RGS8: variants seen among roughly 807,000 people sequenced by gnomAD.
RGS8 encodes regulator of G-protein signaling 8.
In RGS8, 8 loss-of-function variants were observed where a neutral mutation model predicts 21.7. That is an observed-to-expected ratio of 0.37 (90% confidence interval 0.22 to 0.66). RGS8 has a LOEUF of 0.66. Among genes scored for constraint, RGS8 ranks in the 30% least tolerant of loss-of-function variants. RGS8 has a pLI of 0.59. For synonymous variants in RGS8, 80 were observed against 83.6 expected, an observed-to-expected ratio of 0.96 and a Z score of 0.24; for missense variants, 157 against 217.9, an observed-to-expected ratio of 0.72 and a Z score of 1.76.
chr1:182,672,019 G>C, upstream of RGS8: 2 of 862,800 alleles, frequency 2.3e-6, no homozygotes, highest in Non-Finnish European at 3.1e-6. Context: ...CCCCTGAGCT[G>C]AGCTCAGCCT....
At chr1:182,696,846 T>C in the RGS8 span, among the ~76,000 whole-genome samples, 1 of 152,194 alleles carries the variant, frequency 6.6e-6, no homozygotes, top group Non-Finnish European at 1.5e-5. Context: ...TGGGCTGGCT[T>C]ATGAACCTGA....
chr1:182,726,974 A>G, the RGS8 span, among the ~76,000 whole-genome samples: 1 of 151,786 alleles, frequency 6.6e-6, no homozygotes, highest in Non-Finnish European at 1.5e-5. Context: ...GGCCATGTAC[A>G]CCCGCCACAG....
intron 3 of RGS8, 54 bp downstream of exon 4, chr1:182,669,570 G>A (rs1664048789): frequency 9.9e-6 from 16 of 1,613,542 alleles, no homozygotes; most frequent in Middle Eastern, 1.7e-4. Flanking sequence ...GTGTGACAAG[G>A]TGGAGAAAAG....
the RGS8 span, among the ~76,000 whole-genome samples, chr1:182,722,100 G>A: frequency 6.6e-6 from 1 of 151,940 alleles, no homozygotes; most frequent in African/African-American, 2.4e-5. Flanking sequence ...AACTTGGGAC[G>A]TATTATATCT....
chr1:182,710,693 C>T, the RGS8 span, among the ~76,000 whole-genome samples: 1 of 152,066 alleles, frequency 6.6e-6, no homozygotes, highest in East Asian at 1.9e-4. Context: ...CTGCTGTTAC[C>T]ACAAGAGGAG....
Position 182,665,962 on chromosome 1 carries a change from T to A in RGS8, c.193+7A>T, listed in dbSNP as rs1479671076. The A allele has an allele frequency of 6.2e-7, 1 of 1,610,848 alleles. No homozygotes were observed. The highest frequency in any genetic ancestry group is 1.7e-5 in the Admixed American group (1 of 60,004). ...CCATGTCATGATACGACCTGAATTC[T>A]ACTTACACTTATGAGAGAGAAGCAC... On this transcript the variant is annotated splice_region_variant and intron_variant, in intron 5 of 6. Transcript: ENST00000483095.
At chr1:182,741,367 C>T in the RGS8 span, among the ~76,000 whole-genome samples, 1 of 136,246 alleles carries the variant, frequency 7.3e-6, no homozygotes, top group Non-Finnish European at 1.6e-5. Flanking sequence ...GGGCTGAACC[C>T]CCCACCTCCC....
At chr1:182,650,421 T>A (rs564322208) in intron 5 of RGS8, among the ~76,000 whole-genome samples, 6 of 152,376 alleles carry the variant, frequency 3.9e-5, no homozygotes, top group Non-Finnish European at 5.9e-5. Flanking sequence ...CATATTTTAA[T>A]GTCTATACTA....
rs1289004842 is a variant in RGS8 at position 182,666,863 on chromosome 1, A to C, written c.128+9T>G. 2 of 1,606,646 alleles carry C rather than the reference A, an allele frequency of 1.2e-6. No homozygotes were observed. ...TACCCAGGGAATGGCACGTGGCCGT[A>C]CTACTCACTTGAGAGCGCGGTTGGG... is the stretch of plus-strand genomic sequence containing the variant. On this transcript the variant is annotated intron_variant, in intron 4 of 6. Transcript: ENST00000483095.
At chr1:182,652,669 C>T (rs183936526) in intron 5 of RGS8, among the ~76,000 whole-genome samples, 1 of 152,138 alleles carries the variant, frequency 6.6e-6, no homozygotes, top group Non-Finnish European at 1.5e-5. Context: ...ACAGAACATG[C>T]CGTCAAGGGG....
chr1:182,739,762 C>T, the RGS8 span, among the ~76,000 whole-genome samples: 1 of 152,116 alleles, frequency 6.6e-6, no homozygotes. Context: ...GGCAGCCCAC[C>T]CAGAAGCCCT....
intron 5 of RGS8, among the ~76,000 whole-genome samples, chr1:182,648,570 C>A (rs973989400): frequency 6.6e-6 from 1 of 151,250 alleles, no homozygotes; most frequent in African/African-American, 2.4e-5. Flanking sequence ...CCCATCTCTA[C>A]TAAAAATACA....
chr1:182,665,930 T>A (rs1663835515), intron 5 of RGS8, 39 bp downstream of exon 6: 1 of 1,549,946 alleles, frequency 6.5e-7, no homozygotes, highest in Non-Finnish European at 8.9e-7. Flanking sequence ...ACTAAATAGA[T>A]GATTTGCCAT....
chr1:182,750,769 GACTCTAGATACTAGACTAGATACTA>G, the RGS8 span, among the ~76,000 whole-genome samples: 1 of 28,402 alleles, frequency 3.5e-5, no homozygotes, highest in Admixed American at 3.1e-4. Context: ...TTACTATCTA[GACTCTAGATACTAGACTAGATACTA>G]TCTAGACTCT....
the RGS8 span, among the ~76,000 whole-genome samples, chr1:182,702,282 A>G: frequency 1.3e-5 from 2 of 152,240 alleles, no homozygotes; most frequent in Admixed American, 6.5e-5. Flanking sequence ...GGTGGAGGCC[A>G]TAATCCTAAG....
chr1:182,670,451 T>G (rs1328402513), intron 2 of RGS8, among the ~76,000 whole-genome samples: 2 of 152,242 alleles, frequency 1.3e-5, no homozygotes, highest in African/African-American at 2.4e-5. Flanking sequence ...GGTTGAAAGC[T>G]GATTGACTTA....
intron 1 of RGS8, among the ~76,000 whole-genome samples, chr1:182,683,619 C>A (rs1459086953): frequency 1.4e-5 from 2 of 144,074 alleles, no homozygotes; most frequent in Non-Finnish European, 3.0e-5. Flanking sequence ...AACCCTCTTC[C>A]CAGTGCTCAA....
At chr1:182,673,290 C>T (rs1664249823), upstream of RGS8, among the ~76,000 whole-genome samples, 1 of 152,188 alleles carries the variant, frequency 6.6e-6, no homozygotes, top group Non-Finnish European at 1.5e-5. Context: ...ACTCAACAAT[C>T]CTATGCCACA....
At chr1:182,653,674 A>ACAGAGC (rs1225063564) in intron 5 of RGS8, among the ~76,000 whole-genome samples, 1 of 152,202 alleles carries the variant, frequency 6.6e-6, no homozygotes, top group East Asian at 1.9e-4. Flanking sequence ...AGCCCGGGCA[A>ACAGAGC]CAGAGCCAGA....
Sources: gnomAD v4.1 joint callset for allele counts (sites outside exome capture counted in the v4.1 genomes callset) on GRCh38, gnomAD v4.1.1 for gene constraint, MANE v1.5 for transcripts, NCBI Gene and HGNC (gene_info 2026-07-23, HGNC 2026-07-21) for gene names.